The following DNAJC5B variants were observed in gnomAD, a reference collection of about 807,000 sequenced individuals.
DNAJC5B encodes the protein dnaJ homolog subfamily C member 5B.
In DNAJC5B, 23 loss-of-function variants were observed where a neutral mutation model predicts 24.7. That is an observed-to-expected ratio of 0.93 (90% CI 0.67 to 1.32). DNAJC5B has a LOEUF of 1.32. Among genes scored for constraint, DNAJC5B ranks in the 40% most tolerant of loss-of-function variants. The pLI, the probability that DNAJC5B is intolerant of heterozygous loss-of-function variation, is 0.00. For synonymous variants in DNAJC5B, 101 were observed against 90.1 expected, an observed-to-expected ratio of 1.12 and a Z score of -0.68; for missense variants, 238 against 240.8, an observed-to-expected ratio of 0.99 and a Z score of 0.08.
At chr8:66,081,932 G>T (rs1388908996) in intron 5 of DNAJC5B, among the ~76,000 whole-genome samples, 1 of 151,998 alleles carries the variant, frequency 6.6e-6, no homozygotes, top group African/African-American at 2.4e-5. Context: ...TTTTAATGGG[G>T]TCATTTATAC....
chr8:66,017,940 C>T (rs191542993), upstream of DNAJC5B, among the ~76,000 whole-genome samples: 6 of 152,252 alleles, frequency 3.9e-5, no homozygotes, highest in Non-Finnish European at 7.4e-5. Context: ...AACAAAATTC[C>T]TTTCTATACC....
chr8:66,024,531 G>A (rs975180424), intron 1 of DNAJC5B, among the ~76,000 whole-genome samples: 10 of 121,416 alleles, frequency 8.2e-5, no homozygotes, highest in Admixed American at 4.9e-4. Flanking sequence ...ACCCACTAAC[G>A]TGTCATCTAG....
chr8:66,059,514 T>C (rs1195760609), intron 3 of DNAJC5B, among the ~76,000 whole-genome samples: 1 of 152,112 alleles, frequency 6.6e-6, no homozygotes, highest in African/African-American at 2.4e-5. Context: ...TAGTGGACAG[T>C]GGGATGATTG....
At chr8:66,055,485 T>C (rs1452887603) in intron 3 of DNAJC5B, among the ~76,000 whole-genome samples, 1 of 152,214 alleles carries the variant, frequency 6.6e-6, no homozygotes, top group African/African-American at 2.4e-5. Flanking sequence ...CTTTCTTCTT[T>C]TGCATTTTAT....
At chr8:66,085,952 C>T (rs569276525) in intron 5 of DNAJC5B, among the ~76,000 whole-genome samples, 12 of 152,214 alleles carry the variant, frequency 7.9e-5, no homozygotes, top group African/African-American at 2.6e-4. Flanking sequence ...TACTTATCCA[C>T]GTCTCATTTG....
rs974742794 is a variant in DNAJC5B, at chr8:66,083,308, G to A, written c.505+2760G>A. On this transcript the variant is annotated intron_variant, in intron 5 of 5. Transcript: ENST00000276570. ...TTACAGGTGTGAGCCACCACACCTG[G>A]CCATTTTGAAATATTTTCTATGAAA... Among the ~76,000 whole-genome samples the A allele has an allele frequency of 1.2e-4, 18 of 151,800 alleles. 1 individual carries two copies. Among genetic ancestry groups the A allele is most frequent in the African/African-American group, 4.4e-4 (18 of 41,346 alleles).
chr8:66,057,765 A>G (rs1370303386), intron 3 of DNAJC5B: 1 of 152,228 alleles, frequency 6.6e-6, no homozygotes, highest in Non-Finnish European at 1.5e-5. Flanking sequence ...AGGAAGTGAC[A>G]AAAGATTTTT....
At chr8:66,042,301 A>C (rs1806626925) in intron 1 of DNAJC5B, among the ~76,000 whole-genome samples, 1 of 152,230 alleles carries the variant, frequency 6.6e-6, no homozygotes, top group African/African-American at 2.4e-5. Flanking sequence ...CACTTTGCTG[A>C]AGAGTTCTGC....
intron 3 of DNAJC5B, among the ~76,000 whole-genome samples, chr8:66,073,273 T>C (rs945588410): frequency 6.6e-6 from 1 of 152,090 alleles, no homozygotes; most frequent in Non-Finnish European, 1.5e-5. Flanking sequence ...GGAACATTTT[T>C]AAATGTCAAA....
intron 5 of DNAJC5B, among the ~76,000 whole-genome samples, chr8:66,085,763 G>T (rs1008990810): frequency 4.6e-5 from 7 of 151,712 alleles, no homozygotes; most frequent in African/African-American, 1.7e-4. Flanking sequence ...TTACAAAATT[G>T]TTTTGGCTCT....
At chr8:66,026,710 G>A (rs866290960) in intron 1 of DNAJC5B, among the ~76,000 whole-genome samples, 60 of 152,246 alleles carry the variant, frequency 3.9e-4, no homozygotes, top group African/African-American at 1.3e-3. Flanking sequence ...GCCAAGGGGC[G>A]TTGGTGCCAC....
intron 4 of DNAJC5B, among the ~76,000 whole-genome samples, chr8:66,077,374 G>A (rs559657300): frequency 2.0e-5 from 3 of 152,252 alleles, no homozygotes; most frequent in African/African-American, 7.2e-5. Flanking sequence ...TACTAGTGGA[G>A]GACAGGGAAT....
At chr8:66,064,793 G>T (rs116441372) in intron 3 of DNAJC5B, among the ~76,000 whole-genome samples, 6,516 of 152,168 alleles carry the variant, frequency 0.043, 463 homozygotes, top group African/African-American at 0.15. Flanking sequence ...AGAAGTTCAG[G>T]TCCTCATCCC....
At chr8:66,065,880 C>T (rs975602589) in intron 3 of DNAJC5B, among the ~76,000 whole-genome samples, 39 of 152,030 alleles carry the variant, frequency 2.6e-4, no homozygotes, top group Non-Finnish European at 4.6e-4. Context: ...TTATGTCATC[C>T]AGCAGCATGG....
At chr8:66,073,746 T>A (rs911079873) in intron 3 of DNAJC5B, among the ~76,000 whole-genome samples, 4 of 152,178 alleles carry the variant, frequency 2.6e-5, no homozygotes, top group African/African-American at 9.7e-5. Context: ...CTTTTCCTAA[T>A]AAATGGTGCT....
rs761170155 is a variant in DNAJC5B, at chr8:66,076,868, G to T, written c.328G>T (p.Ala110Ser). Reference protein sequence around the residue: ...NTYFMLSSWWAKALFVIVGLL... With the variant: ...NTYFMLSSWWSKALFVIVGLL... ...CTACTTCATGCTGTCGAGCTGGTGGGCAAAGGTGAAACTGAATTTCCTTTC... is the reference window on the plus strand; with the variant it reads ...CTACTTCATGCTGTCGAGCTGGTGGTCAAAGGTGAAACTGAATTTCCTTTC... The change falls in exon 4 of 6, where the codon GCA (alanine) becomes TCA (serine). Residue 110 changes from alanine to serine, a missense_variant. Ala to Ser is a moderately conservative substitution (Grantham distance 99). Transcript: ENST00000276570. 6 of 1,614,056 alleles carry T rather than the reference G, an allele frequency of 3.7e-6. No homozygotes were observed. The Admixed American group carries it at 1.0e-4, about 27-fold the overall frequency.
intron 5 of DNAJC5B, among the ~76,000 whole-genome samples, chr8:66,096,664 T>C (rs1176341112): frequency 2.0e-5 from 3 of 152,162 alleles, no homozygotes; most frequent in African/African-American, 7.2e-5. Context: ...TCTTATTTTG[T>C]CCATTAAAAT....
intron 2 of DNAJC5B, among the ~76,000 whole-genome samples, chr8:66,044,989 T>C (rs1806693497): frequency 6.6e-6 from 1 of 152,250 alleles, no homozygotes; most frequent in African/African-American, 2.4e-5. Context: ...TATGTTATTA[T>C]GTTCTCAGGA....
chr8:66,035,861 T>C (rs1025698755), intron 1 of DNAJC5B, among the ~76,000 whole-genome samples: 3 of 152,206 alleles, frequency 2.0e-5, no homozygotes, highest in African/African-American at 7.2e-5. Context: ...TACCTTTCCC[T>C]GTCTCTGCTC....
Sources: allele counts gnomAD v4.1 joint callset (sites outside exome capture counted in the v4.1 genomes callset), GRCh38; gene constraint gnomAD v4.1.1; transcripts MANE v1.5; gene names NCBI Gene and HGNC (gene_info 2026-07-23, HGNC 2026-07-21).